The following ZNF540 variants were observed in gnomAD, a reference collection of about 807,000 sequenced individuals.
ZNF540 encodes CTD-3064H18.6.
Under a neutral mutation model 11.8 loss-of-function variants are expected in ZNF540, and 3 were observed. The ratio of observed to expected loss-of-function variants is 0.25; its 90% confidence interval spans 0.12 to 0.65. The LOEUF (loss-of-function observed/expected upper bound fraction) is 0.65, where lower values mean the gene tolerates loss of function less well. Ranked by LOEUF, ZNF540 falls within the 30% of genes least tolerant of loss-of-function variation. The pLI, the probability that ZNF540 is intolerant of heterozygous loss-of-function variation, is 0.83. For missense variants in ZNF540, 709 were observed against 793.1 expected, an observed-to-expected ratio of 0.89 and a Z score of 1.27; for synonymous variants, 247 against 259.0, an observed-to-expected ratio of 0.95 and a Z score of 0.45.
At position 37,574,707 on chromosome 19, in the gene ZNF540, A is replaced by G. The variant is rs973145339; in HGVS notation, c.-73+23042A>G. Among the ~76,000 whole-genome samples the G allele has an allele frequency of 7.9e-5, 12 of 152,258 alleles. No individual in the cohort carries two copies. In the South Asian group the frequency reaches 2.3e-3, roughly 29 times the overall value. On this transcript the variant is annotated intron_variant, in intron 1 of 4. Coordinates refer to the ZNF540 transcript ENST00000592533. ...TTAGTAGATATGACTAGAAAAAGTC[A>G]CTCTAAAAATCATTTCTAACTTCCA...
intron 1 of ZNF540, among the ~76,000 whole-genome samples, chr19:37,572,926 T>A (rs1600484203): frequency 1.3e-5 from 2 of 152,164 alleles, no homozygotes; most frequent in South Asian, 2.1e-4. Flanking sequence ...ATTGAATGAC[T>A]TTCAAACTTT....
intron 1 of ZNF540, among the ~76,000 whole-genome samples, chr19:37,556,500 G>A (rs1025123581): frequency 1.3e-5 from 2 of 152,130 alleles, no homozygotes; most frequent in African/African-American, 4.8e-5. Flanking sequence ...GAGGATGATG[G>A]TGTGAGGTCT....
In ZNF540 at chr19:37,612,726, T is replaced by G; in HGVS notation, c.1446T>G (p.Ile482Met). 6.2e-7 allele frequency: 1 copy of G among 1,614,070 alleles called. No homozygotes were observed. The part of the protein sequence containing the change: ...CGKTFRVRSQ[I>M]SLHKKIHTDV... ...AGACCTTTCGAGTTCGTTCTCAAAT[T>G]AGTCTACATAAGAAAATTCATACTG... Residue 482 changes from isoleucine (I) to methionine (M), a missense_variant, in exon 5 of 5, where the codon ATT becomes ATG. Transcript: ENST00000316433.
intron 3 of ZNF540, among the ~76,000 whole-genome samples, chr19:37,600,683 G>C (rs1342388735): frequency 6.6e-6 from 1 of 152,172 alleles, no homozygotes; most frequent in Non-Finnish European, 1.5e-5. Flanking sequence ...ATAGGTAGTA[G>C]AGTAGAATTT....
intron 1 of ZNF540, among the ~76,000 whole-genome samples, chr19:37,558,868 A>T (rs1173337945): frequency 1.3e-5 from 2 of 152,048 alleles, no homozygotes; most frequent in African/African-American, 4.8e-5. Flanking sequence ...ACAGAGAGAG[A>T]GTGTTTCACT....
At chr19:37,586,754 G>C in intron 1 of ZNF540, 1 of 1,523,136 alleles carries the variant, frequency 6.6e-7, no homozygotes, top group Non-Finnish European at 9.0e-7. Flanking sequence ...TGCTGGACAA[G>C]GAAAAGAAGC....
At chr19:37,555,937 C>CA (rs2042654269) in intron 1 of ZNF540, 1 of 700,782 alleles carries the variant, frequency 1.4e-6, no homozygotes, top group Non-Finnish European at 2.6e-6. Context: ...GCTAAAGTTA[C>CA]ACATGTCCAA....
intron 1 of ZNF540, 34 bp from the exon 2 acceptor site, chr19:37,598,342 T>G (rs1295892161): frequency 1.5e-5 from 16 of 1,099,466 alleles, no homozygotes; most frequent in Non-Finnish European, 2.2e-5. Context: ...GCAGACCTAG[T>G]CTCACTGTCT....
chr19:37,557,059 A>AT (rs1166309817), intron 1 of ZNF540, among the ~76,000 whole-genome samples: 1 of 152,128 alleles, frequency 6.6e-6, no homozygotes, highest in Admixed American at 6.5e-5. Context: ...TTGAGTAAAA[A>AT]CTTAACTACC....
intron 1 of ZNF540, among the ~76,000 whole-genome samples, chr19:37,562,034 T>C (rs532678289): frequency 3.5e-4 from 53 of 152,194 alleles, no homozygotes; most frequent in Non-Finnish European, 7.3e-4. Flanking sequence ...TCATACACTA[T>C]ATACAATCAG....
chr19:37,568,727 A>G (rs2042954334), intron 1 of ZNF540, among the ~76,000 whole-genome samples: 1 of 152,188 alleles, frequency 6.6e-6, no homozygotes, highest in Non-Finnish European at 1.5e-5. Flanking sequence ...ATTAAGTAGC[A>G]GCTCTTTTTA....
upstream of ZNF540, among the ~76,000 whole-genome samples, chr19:37,590,667 CA>C (rs770628446): frequency 1.5e-4 from 23 of 152,094 alleles, no homozygotes; most frequent in Non-Finnish European, 2.6e-4. Context: ...AACAAAAAAG[CA>C]AAATGTTAAA....
At position 37,613,060 on chromosome 19, in the gene ZNF540, C is replaced by G; in HGVS notation, c.1780C>G (p.Leu594Val). 1 of 1,613,860 alleles carries G rather than the reference C, an allele frequency of 6.2e-7. No homozygotes were observed. Among genetic ancestry groups the G allele is most frequent in the South Asian group, 1.1e-5 (1 of 91,064 alleles). ...GAAGGCCTTTAGTCGTAGTGTAGAC[C>G]TTAGAATACATCAAAGAATTCATAC... is the stretch of plus-strand genomic sequence containing the variant. ...CGKAFSRSVDLRIHQRIHTGE... is the reference protein window; with the variant it reads ...CGKAFSRSVDVRIHQRIHTGE... Residue 594 changes from leucine (L) to valine (V), a missense_variant, in exon 5 of 5, where the codon CTT (leucine) becomes GTT (valine). Leu to Val is a conservative substitution (Grantham distance 32). Transcript: ENST00000316433.
At chr19:37,600,933 T>G in intron 3 of ZNF540, 77 bp from the exon 4 acceptor site, 1 of 1,246,142 alleles carries the variant, frequency 8.0e-7, no homozygotes, top group Non-Finnish European at 1.1e-6. Flanking sequence ...CCATATAAAT[T>G]TAACCAAGTC....
At chr19:37,610,734 C>T (rs1012005448) in intron 4 of ZNF540, among the ~76,000 whole-genome samples, 4 of 151,966 alleles carry the variant, frequency 2.6e-5, no homozygotes, top group African/African-American at 7.3e-5. Context: ...TAACCAAAGA[C>T]CATATTATAT....
intron 1 of ZNF540, chr19:37,565,992 G>T (rs765301019): frequency 6.2e-7 from 1 of 1,613,830 alleles, no homozygotes; most frequent in South Asian, 1.1e-5. Context: ...CTGAAACCTT[G>T]TCTGCATTCC....
chr19:37,603,744 AAT>A (rs1384136469), intron 4 of ZNF540, among the ~76,000 whole-genome samples: 3 of 152,190 alleles, frequency 2.0e-5, no homozygotes, highest in African/African-American at 7.2e-5. Flanking sequence ...TATTCTTCAA[AAT>A]ATGTTGTACA....
chr19:37,583,850 G>T, intron 1 of ZNF540: 1 of 989,346 alleles, frequency 1.0e-6, no homozygotes, highest in Non-Finnish European at 1.5e-6. Context: ...CGGTGGAGCT[G>T]TCCATTTCTA....
chr19:37,589,601 A>C (rs2043803575), intron 1 of ZNF540, among the ~76,000 whole-genome samples: 1 of 152,132 alleles, frequency 6.6e-6, no homozygotes, highest in African/African-American at 2.4e-5. Context: ...TTAAGATCCT[A>C]CTGGACTAAG....
Sources: gnomAD v4.1 joint callset for allele counts (sites outside exome capture counted in the v4.1 genomes callset) on GRCh38, gnomAD v4.1.1 for gene constraint, MANE v1.5 for transcripts, NCBI Gene and HGNC (gene_info 2026-07-23, HGNC 2026-07-21) for gene names.